Variants in CBLB observed in about 807,000 individuals in gnomAD.
CBLB encodes E3 ubiquitin-protein ligase CBL-B.
A neutral mutation model predicts 104.9 loss-of-function variants in CBLB; 31 were observed. That is an observed-to-expected ratio of 0.30 (90% CI 0.22 to 0.40). CBLB has a LOEUF of 0.40. CBLB is among the 10% of genes least tolerant of loss of function. CBLB has a pLI of 1.00. For synonymous variants in CBLB, 440 were observed against 422.6 expected, an observed-to-expected ratio of 1.04 and a Z score of -0.51; for missense variants, 1,062 against 1,214.6, an observed-to-expected ratio of 0.87 and a Z score of 1.87.
intron 18 of CBLB, among the ~76,000 whole-genome samples, chr3:105,659,906 T>C (rs1258714206): frequency 6.6e-6 from 1 of 152,150 alleles, no homozygotes; most frequent in Non-Finnish European, 1.5e-5. Flanking sequence ...TCAAATACTT[T>C]ATACAGATTG....
chr3:105,800,206 A>G (rs924449428), intron 3 of CBLB, among the ~76,000 whole-genome samples: 2 of 152,114 alleles, frequency 1.3e-5, no homozygotes, highest in Non-Finnish European at 2.9e-5. Context: ...TCACCTGGCT[A>G]TTTTATTAAA....
chr3:105,677,767 A>G (rs570528562), intron 17 of CBLB, among the ~76,000 whole-genome samples: 85 of 150,076 alleles, frequency 5.7e-4, no homozygotes, highest in African/African-American at 2.0e-3. Flanking sequence ...TTTAAAATAT[A>G]CTAATATAAA....
At position 105,737,240 on chromosome 3, in the gene CBLB, C is replaced by T; in HGVS notation, c.1002G>A (p.Gly334=). Residue 334 remains glycine (G), a synonymous_variant, in exon 8 of 19, where the codon GGG becomes GGA. Transcript: ENST00000394030. ...CAGTTAAATCAGGATTATAACTCCT[C>T]CCATCAGGATAAAGATAACTGAATT... The part of the protein sequence containing the change: ...SREGFYLYPD[G]RSYNPDLTGL... 7 of 1,569,274 alleles carry T rather than the reference C, an allele frequency of 4.5e-6. No homozygotes were observed. The highest frequency in any genetic ancestry group is 6.1e-6 in the Non-Finnish European group (7 of 1,142,446).
intron 4 of CBLB, among the ~76,000 whole-genome samples, chr3:105,766,293 A>C (rs1292278775): frequency 1.3e-5 from 2 of 152,198 alleles, no homozygotes; most frequent in African/African-American, 2.4e-5. Flanking sequence ...GATGCTGTGA[A>C]CACTGCTGAT....
At chr3:105,820,765 A>C (rs1023161482) in intron 3 of CBLB, among the ~76,000 whole-genome samples, 3 of 152,172 alleles carry the variant, frequency 2.0e-5, no homozygotes, top group Non-Finnish European at 4.4e-5. Context: ...GTATAAAAGA[A>C]AAACTAGACT....
chr3:105,773,805 G>C (rs543933536), intron 4 of CBLB, among the ~76,000 whole-genome samples: 16 of 152,272 alleles, frequency 1.1e-4, no homozygotes, highest in Admixed American at 1.0e-3. Flanking sequence ...GGAAAAGCAT[G>C]ACTGCATTGT....
chr3:105,826,455 T>C (rs2086596074), intron 3 of CBLB, among the ~76,000 whole-genome samples: 1 of 152,210 alleles, frequency 6.6e-6, no homozygotes, highest in Admixed American at 6.6e-5. Flanking sequence ...AGACAAACTA[T>C]ATTAGACTAA....
chr3:105,743,391 T>C (rs2075795574), intron 6 of CBLB, among the ~76,000 whole-genome samples: 1 of 149,468 alleles, frequency 6.7e-6, no homozygotes. Flanking sequence ...ACCCAGGAGG[T>C]GGAGCTTACA....
At chr3:105,834,735 A>G (rs542974527) in intron 3 of CBLB, among the ~76,000 whole-genome samples, 2 of 152,318 alleles carry the variant, frequency 1.3e-5, no homozygotes, top group South Asian at 4.1e-4. Flanking sequence ...CACTATACAT[A>G]AATGAACTCA....
chr3:105,732,025 A>T (rs958122461), intron 9 of CBLB, among the ~76,000 whole-genome samples: 1 of 152,204 alleles, frequency 6.6e-6, no homozygotes, highest in African/African-American at 2.4e-5. Context: ...TTCAGGGAGA[A>T]ATGCAAGGCT....
intron 18 of CBLB, among the ~76,000 whole-genome samples, chr3:105,669,201 C>A (rs1378735390): frequency 6.6e-6 from 1 of 152,114 alleles, no homozygotes; most frequent in African/African-American, 2.4e-5. Flanking sequence ...CTTTTCCCTG[C>A]AAATCCATAT....
chr3:105,818,675 G>A (rs775226216), intron 3 of CBLB, among the ~76,000 whole-genome samples: 12 of 151,976 alleles, frequency 7.9e-5, no homozygotes, highest in Non-Finnish European at 1.3e-4. Flanking sequence ...TGCTGTTTAC[G>A]TAACTCTAAA....
In CBLB at chr3:105,807,557, T is replaced by C. The variant is rs77247669; in HGVS notation, c.420-31015A>G. Among the ~76,000 whole-genome samples, 993 of 152,256 alleles carry C rather than the reference T, an allele frequency of 6.5e-3. 32 individuals carry two copies. The highest frequency in any genetic ancestry group is 0.053 in the East Asian group (274 of 5,192). On this transcript the variant is annotated intron_variant, in intron 3 of 18. Coordinates refer to ENST00000394030, the MANE Select transcript of CBLB (RefSeq NM_170662.5). ...GTTCAGAGAAACACATATAATTTAA[T>C]GGAAAAACATAATTTCATCATAGTT...
intron 9 of CBLB, among the ~76,000 whole-genome samples, chr3:105,726,208 G>C (rs1048562781): frequency 9.2e-5 from 14 of 152,092 alleles, no homozygotes; most frequent in Non-Finnish European, 1.9e-4. Flanking sequence ...ACCTCTCTCA[G>C]ACAACTATAT....
chr3:105,844,589 T>C (rs527513876), intron 3 of CBLB, among the ~76,000 whole-genome samples: 6 of 152,322 alleles, frequency 3.9e-5, no homozygotes, highest in African/African-American at 9.6e-5. Flanking sequence ...TGTATACATA[T>C]ATCCTCAAAC....
At chr3:105,856,927 T>C (rs939079722) in intron 2 of CBLB, among the ~76,000 whole-genome samples, 3 of 152,178 alleles carry the variant, frequency 2.0e-5, no homozygotes, top group African/African-American at 7.2e-5. Flanking sequence ...AAAAAGAATA[T>C]GGTTTTTAAA....
intron 3 of CBLB, among the ~76,000 whole-genome samples, chr3:105,842,967 C>CT (rs1419062448): frequency 2.0e-5 from 3 of 152,170 alleles, no homozygotes; most frequent in Non-Finnish European, 2.9e-5. Flanking sequence ...TAGATAGGTA[C>CT]TTTAAGCCAA....
intron 3 of CBLB, among the ~76,000 whole-genome samples, chr3:105,777,617 T>C (rs1325369108): frequency 1.3e-5 from 2 of 152,012 alleles, no homozygotes; most frequent in African/African-American, 4.8e-5. Context: ...TGAGACAATG[T>C]CTCAAAAACA....
chr3:105,850,955 C>G (rs1179451187), intron 3 of CBLB, among the ~76,000 whole-genome samples: 1 of 152,150 alleles, frequency 6.6e-6, no homozygotes, highest in African/African-American at 2.4e-5. Context: ...GGGTTTCTTA[C>G]AAACTTTCTT....
Sources: allele counts gnomAD v4.1 joint callset (sites outside exome capture counted in the v4.1 genomes callset), GRCh38; gene constraint gnomAD v4.1.1; transcripts MANE v1.5; gene names NCBI Gene and HGNC (gene_info 2026-07-23, HGNC 2026-07-21).